RNF157: variants seen among roughly 807,000 people sequenced by gnomAD.
RNF157 encodes the protein E3 ubiquitin ligase RNF157.
Under a neutral mutation model 88.3 loss-of-function variants are expected in RNF157, and 55 were observed. The ratio of observed to expected loss-of-function variants is 0.62; its 90% CI spans 0.50 to 0.78. The LOEUF is 0.78. Among genes scored for constraint, RNF157 ranks in the 30% least tolerant of loss-of-function variants. RNF157 has a pLI of 0.00. For missense variants in RNF157, 788 were observed against 860.8 expected, an observed-to-expected ratio of 0.92 and a Z score of 1.06; for synonymous variants, 334 against 341.2, an observed-to-expected ratio of 0.98 and a Z score of 0.23.
Position 76,161,470 on chromosome 17 carries a change from G to T in RNF157, c.1065+65C>A. 8.2e-7 allele frequency: 1 copy of T among 1,224,892 alleles called. No individual in the cohort carries two copies. The highest frequency in any genetic ancestry group is 1.2e-5 in the South Asian group (1 of 82,992). 75.9% of individuals were successfully genotyped at this position (1,224,892 alleles called of 1,614,324 possible). On this transcript the variant is annotated intron_variant, in intron 11 of 18. Transcript: ENST00000269391. The surrounding 1 kb of genome is among the most constrained non-coding windows in gnomAD (Gnocchi z 4.6). ...GCTGCAATGCCACGTAGAGAAGCATGAAAAGTTTAAAAAAGCCAATGAGGC... is the reference window on the plus strand; with the variant it reads ...GCTGCAATGCCACGTAGAGAAGCATTAAAAGTTTAAAAAAGCCAATGAGGC...
intron 2 of RNF157, among the ~76,000 whole-genome samples, chr17:76,188,390 GTTC>G (rs2069329121): frequency 6.6e-6 from 1 of 151,976 alleles, no homozygotes; most frequent in Non-Finnish European, 1.5e-5. Context: ...CTTCTCTGTG[GTTC>G]TTCCTCTTTT....
At chr17:76,212,518 G>A (rs1396371094) in intron 1 of RNF157, 36 bp from the exon 2 acceptor site, 2 of 1,283,888 alleles carry the variant, frequency 1.6e-6, no homozygotes, top group Admixed American at 3.5e-5. Flanking sequence ...CAAACAAGCA[G>A]AAAACAGTCA....
rs568955023 is a variant in RNF157 at position 76,199,721 on chromosome 17, G to A, written c.207+12643C>T. Among the ~76,000 whole-genome samples the A allele has an allele frequency of 2.6e-5, 4 of 152,130 alleles. No homozygotes were observed. In the South Asian group the frequency reaches 6.2e-4, roughly 24 times the overall value. ...GTGACTGCACTTGGTGACGCAGCTCGCTGGTCTCCATCCTACTGCCACCTG... is the reference window on the plus strand; with the variant it reads ...GTGACTGCACTTGGTGACGCAGCTCACTGGTCTCCATCCTACTGCCACCTG... On this transcript the variant is annotated intron_variant, in intron 2 of 18. Transcript: ENST00000269391.
In RNF157 at chr17:76,210,588, CAAA is replaced by C. The variant is rs71161274; in HGVS notation, c.207+1773_207+1775del. 3.7e-4 allele frequency among the ~76,000 whole-genome samples: 20 copies of C among 53,532 alleles called. 1 individual carries two copies. Among genetic ancestry groups the C allele is most frequent in the East Asian group, 1.5e-3 (2 of 1,322 alleles). The allele number at this position is 53,532 out of a possible 152,430, so 35.1% of individuals were successfully genotyped here. A position where few individuals can be genotyped will look rare whatever the true frequency, so the allele number is the denominator to read the frequency against. ...CTGGGCGACAGAGCCAGACTCCGTC[CAAA>C]AAAAAAAAAAAAAGAAAGAAAGAAA... On this transcript the variant is annotated intron_variant, in intron 2 of 18. Transcript: ENST00000269391.
chr17:76,173,782 G>A lies in RNF157; in HGVS notation c.216C>T (p.Tyr72=), dbSNP rs368295702. The change falls in exon 3 of 19, where the codon TAC becomes TAT. Residue 72 remains tyrosine, a synonymous_variant. Transcript: ENST00000269391. ...CGGGTTCTTGGGGAGGTGGGGCGGC[G>A]TAAGGAAACTGTGTCAGAAACAAAG... ...FLGNRPVVFP[Y]AAPPPQEPVK... is the part of the protein sequence containing the mutation. 44 of 1,608,548 alleles carry A rather than the reference G, an allele frequency of 2.7e-5. No homozygotes were observed. Among genetic ancestry groups the A allele is most frequent in the African/African-American group, 1.3e-4 (10 of 74,716 alleles).
At chr17:76,158,316 G>A in intron 13 of RNF157, 77 bp downstream of exon 13, 1 of 925,916 alleles carries the variant, frequency 1.1e-6, no homozygotes, top group Non-Finnish European at 1.8e-6. Context: ...GAGAGCAGAG[G>A]GACCTGATGA....
At chr17:76,206,121 C>T (rs1354663493) in intron 2 of RNF157, among the ~76,000 whole-genome samples, 2 of 151,924 alleles carry the variant, frequency 1.3e-5, no homozygotes, top group Admixed American at 1.3e-4. Context: ...GTCCCAGCTA[C>T]TGGAGAATCT....
At chr17:76,186,895 G>A (rs1449783430) in intron 2 of RNF157, among the ~76,000 whole-genome samples, 3 of 151,438 alleles carry the variant, frequency 2.0e-5, no homozygotes, top group Admixed American at 6.6e-5. Context: ...AGCTGAGATC[G>A]CACCACTGTA....
intron 1 of RNF157, among the ~76,000 whole-genome samples, chr17:76,217,256 G>A (rs1033928100): frequency 1.3e-5 from 2 of 151,848 alleles, no homozygotes; most frequent in East Asian, 1.9e-4. Context: ...AGACCTGCCC[G>A]CCTCAGCCTC....
chr17:76,172,844 T>G (rs147673464), intron 3 of RNF157, among the ~76,000 whole-genome samples: 47 of 151,574 alleles, frequency 3.1e-4, no homozygotes, highest in African/African-American at 1.1e-3. Flanking sequence ...TGGCGGGCAG[T>G]GGGAATGTAT....
In RNF157 at chr17:76,226,863, G is replaced by T. The variant is rs182402914; in HGVS notation, c.88+13290C>A. Reference sequence around the variant, plus strand: ...GCTTAATTCGAAGGTGTCTTTGTCGGTTACAGCAATGCTGCTGCTGAATGC... The same window carrying T: ...GCTTAATTCGAAGGTGTCTTTGTCGTTTACAGCAATGCTGCTGCTGAATGC... On this transcript the variant is annotated intron_variant, in intron 1 of 18. Coordinates refer to ENST00000269391, the MANE Select transcript of RNF157 (RefSeq NM_052916.3). The T allele has an allele frequency of 1.2e-4, 157 of 1,359,402 alleles. No homozygotes were observed. In the African/African-American group the frequency reaches 1.2e-3, roughly 10 times the overall value. 84.2% of individuals were successfully genotyped at this position (1,359,402 alleles called of 1,614,324 possible).
intron 2 of RNF157, among the ~76,000 whole-genome samples, chr17:76,206,823 T>C (rs2069689020): frequency 6.6e-6 from 1 of 152,132 alleles, no homozygotes; most frequent in South Asian, 2.1e-4. Context: ...GAATGACAAG[T>C]AGCTGTAGAA....
intron 2 of RNF157, among the ~76,000 whole-genome samples, chr17:76,192,302 AT>A (rs1165054208): frequency 1.3e-5 from 2 of 152,214 alleles, no homozygotes; most frequent in Non-Finnish European, 2.9e-5. Context: ...CAACATTTAC[AT>A]TATAAAGTTC....
intron 1 of RNF157, among the ~76,000 whole-genome samples, chr17:76,214,529 G>A (rs2069856160): frequency 6.6e-6 from 1 of 152,054 alleles, no homozygotes; most frequent in African/African-American, 2.4e-5. Flanking sequence ...TTGTTTCACA[G>A]GAAAATACGA....
chr17:76,221,495 G>T lies in RNF157; in HGVS notation c.89-9013C>A, dbSNP rs531918461. Among the ~76,000 whole-genome samples, 5 of 152,232 alleles carry T rather than the reference G, an allele frequency of 3.3e-5. No homozygotes were observed. In the South Asian group the frequency reaches 8.3e-4, roughly 25 times the overall value. On this transcript the variant is annotated intron_variant, in intron 1 of 18. Transcript: ENST00000269391. Reference sequence around the variant, plus strand: ...AGAAAAATGACCAGGTTTCCTCAAAGAATATATTGTAAGGGGGGAAAGTAT... The same window carrying T: ...AGAAAAATGACCAGGTTTCCTCAAATAATATATTGTAAGGGGGGAAAGTAT...
intron 2 of RNF157, among the ~76,000 whole-genome samples, chr17:76,189,769 G>T (rs1032557527): frequency 6.6e-6 from 1 of 152,188 alleles, no homozygotes; most frequent in Non-Finnish European, 1.5e-5. Context: ...CCGAAGCTGG[G>T]ACTCAGACTT....
intron 1 of RNF157, among the ~76,000 whole-genome samples, chr17:76,229,461 A>C (rs1244331386): frequency 6.6e-6 from 1 of 152,244 alleles, no homozygotes; most frequent in East Asian, 1.9e-4. Flanking sequence ...TGTGTATAGA[A>C]GCTGGCTAAG....
intron 1 of RNF157, among the ~76,000 whole-genome samples, chr17:76,239,581 C>G (rs2070341388): frequency 1.4e-5 from 2 of 141,410 alleles, no homozygotes; most frequent in African/African-American, 2.6e-5. Flanking sequence ...TGCAAAAGCA[C>G]CAGCACTGCA....
intron 3 of RNF157, among the ~76,000 whole-genome samples, chr17:76,173,142 C>T (rs4788916): frequency 0.3 from 44,806 of 151,696 alleles, 7,488 homozygotes; most frequent in African/African-American, 0.46. Context: ...AAAAATTAGC[C>T]GGACGTGGTG....
Sources: gnomAD v4.1 joint callset for allele counts (sites outside exome capture counted in the v4.1 genomes callset) on GRCh38, gnomAD v4.1.1 for gene constraint, Gnocchi (gnomAD v3.1) non-coding constraint, MANE v1.5 for transcripts, NCBI Gene and HGNC (gene_info 2026-07-23, HGNC 2026-07-21) for gene names.